Variants in CHMP4B observed in about 807,000 individuals in gnomAD.
CHMP4B encodes the protein SNF7 homolog associated with Alix 1.
Under a neutral mutation model 25.1 loss-of-function variants are expected in CHMP4B, and 1 was observed. That is an observed-to-expected ratio of 0.04 (90% CI 0.01 to 0.19). The LOEUF (loss-of-function observed/expected upper bound fraction) is 0.19, where lower values mean the gene tolerates loss of function less well. Among genes scored for constraint, CHMP4B ranks in the 10% least tolerant of loss-of-function variants. CHMP4B has a pLI of 1.00. For synonymous variants in CHMP4B, 101 were observed against 115.6 expected (o/e 0.87, Z 0.81); for missense variants, 151 against 289.7 (o/e 0.52, Z 3.48).
intron 1 of CHMP4B, among the ~76,000 whole-genome samples, chr20:33,827,302 G>A (rs188289372): frequency 1.2e-3 from 182 of 152,342 alleles, no homozygotes; most frequent in African/African-American, 4.1e-3. Context: ...AATGAGTGCT[G>A]AGATTTCTCT....
intron 1 of CHMP4B, among the ~76,000 whole-genome samples, chr20:33,841,252 G>C (rs766873746): frequency 2.8e-4 from 42 of 152,120 alleles, no homozygotes; most frequent in Non-Finnish European, 5.1e-4. Context: ...TGATTTCCTG[G>C]TCATACACAA....
intron 1 of CHMP4B, among the ~76,000 whole-genome samples, chr20:33,830,537 C>T (rs1979210352): frequency 6.6e-6 from 1 of 152,190 alleles, no homozygotes; most frequent in Admixed American, 6.5e-5. Context: ...CAGCTGCCTT[C>T]TTGCTGTGTC....
intron 1 of CHMP4B, among the ~76,000 whole-genome samples, chr20:33,820,152 T>C (rs1422415109): frequency 6.6e-6 from 1 of 151,528 alleles, no homozygotes; most frequent in African/African-American, 2.4e-5. Flanking sequence ...CACTCCAGCC[T>C]GGGCAACAGA....
In CHMP4B at chr20:33,811,403, C is replaced by G. The variant is rs913930540; in HGVS notation, c.-66C>G. 98 of 1,330,556 alleles carry G rather than the reference C, an allele frequency of 7.4e-5. No individual in the cohort carries two copies. In the Middle Eastern group the frequency reaches 8.6e-4, roughly 12 times the overall value. The allele number at this position is 1,330,556 out of a possible 1,614,324, so 82.4% of individuals were successfully genotyped here. A position where few individuals can be genotyped will look rare whatever the true frequency, so the allele number is the denominator to read the frequency against. The stretch of plus-strand genomic sequence containing the variant: ...GACTGGGAGCGGGCGCCGGAGCCGA[C>G]CCGAGCCGAGCCGAGCCGAGCCGAG... On this transcript the variant is annotated 5_prime_UTR_variant, in exon 1 of 5. Transcript: ENST00000217402.
rs35674946 is a variant in CHMP4B, at chr20:33,821,386, CAA to C, written c.190+9747_190+9748del. Among the ~76,000 whole-genome samples, 714 of 106,178 alleles carry C rather than the reference CAA, an allele frequency of 6.7e-3. 2 individuals carry two copies. Among genetic ancestry groups the C allele is most frequent in the Middle Eastern group, 0.013 (3 of 224 alleles). 69.7% of individuals were successfully genotyped at this position (106,178 alleles called of 152,430 possible). ...TGGGTGACAGAGCAAGACTCCATCTCAAAAAAAAAAAAAAAAAAAATCCTGGT... is the reference window on the plus strand; with the variant it reads ...TGGGTGACAGAGCAAGACTCCATCTCAAAAAAAAAAAAAAAAAATCCTGGT... On this transcript the variant is annotated intron_variant, in intron 1 of 4. Coordinates refer to ENST00000217402, the MANE Select transcript of CHMP4B (RefSeq NM_176812.5).
At chr20:33,813,436 G>A (rs922906389) in intron 1 of CHMP4B, among the ~76,000 whole-genome samples, 3 of 152,198 alleles carry the variant, frequency 2.0e-5, no homozygotes, top group Non-Finnish European at 4.4e-5. Flanking sequence ...TTTGGAGAGT[G>A]GGTGGGGGAT....
intron 1 of CHMP4B, among the ~76,000 whole-genome samples, chr20:33,844,164 G>T (rs1316340716): frequency 6.6e-6 from 1 of 152,250 alleles, no homozygotes; most frequent in Non-Finnish European, 1.5e-5. Flanking sequence ...CTTGCGGGAA[G>T]TCCCTGTTTT....
At position 33,843,966 on chromosome 20, in the gene CHMP4B, CACAG is replaced by C. The variant is rs1435916648; in HGVS notation, c.191-4496_191-4493del. On this transcript the variant is annotated intron_variant, in intron 1 of 4. Transcript: ENST00000217402. ...TTGGAGTTCTAAACTAGTTGAGAAACACAGACAGCAGATGGATCTAGATAAGAAA... is the reference window on the plus strand; with the variant it reads ...TTGGAGTTCTAAACTAGTTGAGAAACACAGCAGATGGATCTAGATAAGAAA... Among the ~76,000 whole-genome samples the C allele has an allele frequency of 6.6e-5, 10 of 152,204 alleles. No individual in the cohort carries two copies. In the East Asian group the frequency reaches 1.5e-3, roughly 23 times the overall value.
intron 2 of CHMP4B, among the ~76,000 whole-genome samples, chr20:33,850,546 G>T (rs1018326174): frequency 6.6e-6 from 1 of 152,218 alleles, no homozygotes; most frequent in African/African-American, 2.4e-5. Flanking sequence ...CTGAGTAGAT[G>T]GAAGGCCCAT....
intron 1 of CHMP4B, among the ~76,000 whole-genome samples, chr20:33,840,675 T>C (rs1441565575): frequency 2.0e-5 from 3 of 152,248 alleles, no homozygotes; most frequent in Non-Finnish European, 1.5e-5. Flanking sequence ...GTGTGTGTCT[T>C]GTTGGTTTTT....
intron 1 of CHMP4B, 82 bp downstream of exon 1, chr20:33,811,740 CCTCGGGGT>C (rs2122776343): frequency 7.1e-7 from 1 of 1,413,116 alleles, no homozygotes; most frequent in African/African-American, 1.4e-5. Context: ...ATCAGACTCG[CCTCGGGGT>C]CTGGTCTGAC....
At chr20:33,829,355 G>A (rs1182329607) in intron 1 of CHMP4B, among the ~76,000 whole-genome samples, 1 of 152,168 alleles carries the variant, frequency 6.6e-6, no homozygotes, top group African/African-American at 2.4e-5. Flanking sequence ...AGGCCCAGCC[G>A]AGAATGCCCA....
intron 1 of CHMP4B, among the ~76,000 whole-genome samples, chr20:33,831,604 C>T (rs1203286725): frequency 1.3e-5 from 2 of 151,986 alleles, no homozygotes; most frequent in Non-Finnish European, 2.9e-5. Flanking sequence ...GAACTCGTGG[C>T]CTCAAGTGAT....
In CHMP4B at chr20:33,837,530, G is replaced by C. The variant is rs1196497759; in HGVS notation, c.191-10937G>C. On this transcript the variant is annotated intron_variant, in intron 1 of 4. Transcript: ENST00000217402. ...AGGCTGACAGGAGAGAGGAATTTCA[G>C]AGAGAGGAGGGAGGCAGTGCCAGAA... Among the ~76,000 whole-genome samples, 4 of 152,236 alleles carry C rather than the reference G, an allele frequency of 2.6e-5. No homozygotes were observed. The East Asian group carries it at 7.7e-4, about 29-fold the overall frequency.
Position 33,833,857 on chromosome 20 carries a change from G to C in CHMP4B, c.191-14610G>C, listed in dbSNP as rs76539295. Among the ~76,000 whole-genome samples the C allele has an allele frequency of 4.6e-5, 7 of 152,282 alleles. No homozygotes were observed. The East Asian group carries it at 1.3e-3, about 29-fold the overall frequency. On this transcript the variant is annotated intron_variant, in intron 1 of 4. Coordinates refer to ENST00000217402, the MANE Select transcript of CHMP4B (RefSeq NM_176812.5). Reference sequence around the variant, plus strand: ...GTCATGTATTACATTGTCCATATCTGCTGGCCTGTGAATTCCTTCAGCCTT... The same window carrying C: ...GTCATGTATTACATTGTCCATATCTCCTGGCCTGTGAATTCCTTCAGCCTT...
intron 1 of CHMP4B, among the ~76,000 whole-genome samples, chr20:33,823,057 A>G (rs1269834307): frequency 6.6e-6 from 1 of 151,876 alleles, no homozygotes; most frequent in African/African-American, 2.4e-5. Context: ...CAAAGTGCTG[A>G]GATTATAGGC....
rs765728174 is a variant in CHMP4B at position 33,811,561 on chromosome 20, C to T, written c.93C>T (p.Asp31=). ...AGGAGGCCATCCAGCGGCTGCGGGA[C>T]ACGGAAGAGATGTTAAGCAAGAAAC... ...TPQEAIQRLR[D]TEEMLSKKQE... is the part of the protein sequence containing the mutation. The change falls in exon 1 of 5, where the codon GAC becomes GAT. Residue 31 remains aspartate (D), a synonymous_variant. Transcript: ENST00000217402. 10 of 1,613,192 alleles carry T rather than the reference C, an allele frequency of 6.2e-6. No individual in the cohort carries two copies. Among genetic ancestry groups the T allele is most frequent in the Non-Finnish European group, 7.6e-6 (9 of 1,179,720 alleles).
chr20:33,831,110 T>C (rs1416041240), intron 1 of CHMP4B, among the ~76,000 whole-genome samples: 1 of 150,964 alleles, frequency 6.6e-6, no homozygotes, highest in African/African-American at 2.4e-5. Context: ...TTTTTTTTTT[T>C]TTTCCAGATA....
intron 1 of CHMP4B, among the ~76,000 whole-genome samples, chr20:33,832,778 T>A (rs966738895): frequency 2.0e-5 from 3 of 150,344 alleles, no homozygotes; most frequent in African/African-American, 7.4e-5. Context: ...ATAAATGATT[T>A]TTTTTTTTTT....
Sources: gnomAD v4.1 joint callset for allele counts (sites outside exome capture counted in the v4.1 genomes callset) on GRCh38, gnomAD v4.1.1 for gene constraint, MANE v1.5 for transcripts, NCBI Gene and HGNC (gene_info 2026-07-23, HGNC 2026-07-21) for gene names.